The following LRP1B variants were observed in gnomAD, a reference collection of about 807,000 sequenced individuals.
The protein encoded by LRP1B is low-density lipoprotein receptor-related protein 1B.
In LRP1B, 217 loss-of-function variants were observed where a neutral mutation model predicts 556.6. The observed-to-expected ratio is 0.39, with a 90% CI of 0.35 to 0.44. LRP1B has a LOEUF of 0.44. Ranked by LOEUF, LRP1B falls within the 20% of genes least tolerant of loss-of-function variation. The pLI is 1.00. For missense variants in LRP1B, 5,053 were observed against 5,620.8 expected (o/e 0.90, Z 3.23); for synonymous variants, 2,047 against 1,865.8 (o/e 1.10, Z -2.50).
At chr2:140,865,645 A>G (rs1692926064) in intron 27 of LRP1B, among the ~76,000 whole-genome samples, 1 of 152,032 alleles carries the variant, frequency 6.6e-6, no homozygotes, top group South Asian at 2.1e-4. Context: ...CAAAATTGCA[A>G]ACTGACTGAA....
intron 3 of LRP1B, among the ~76,000 whole-genome samples, chr2:141,371,377 G>A (rs1380759761): frequency 2.0e-5 from 3 of 152,056 alleles, no homozygotes; most frequent in Non-Finnish European, 4.4e-5. Context: ...GGTTCCAAAT[G>A]TATTTTAGAA....
chr2:140,565,252 GA>G (rs1407116489), intron 43 of LRP1B, among the ~76,000 whole-genome samples: 1 of 84,724 alleles, frequency 1.2e-5, no homozygotes, highest in Non-Finnish European at 2.8e-5. Flanking sequence ...AAGATATGAT[GA>G]ATATATGTCA....
chr2:140,929,313 G>A (rs942377494), intron 20 of LRP1B, among the ~76,000 whole-genome samples: 1 of 152,058 alleles, frequency 6.6e-6, no homozygotes, highest in African/African-American at 2.4e-5. Context: ...CTGGACTTGG[G>A]GATTTCATAC....
chr2:141,834,754 T>G (rs1401000221), intron 1 of LRP1B, among the ~76,000 whole-genome samples: 1 of 151,778 alleles, frequency 6.6e-6, no homozygotes, highest in Non-Finnish European at 1.5e-5. Context: ...GGAAAGGAAA[T>G]AACTGGAAAA....
intron 49 of LRP1B, among the ~76,000 whole-genome samples, chr2:140,522,813 G>T (rs755056745): frequency 2.0e-5 from 3 of 151,858 alleles, no homozygotes; most frequent in Non-Finnish European, 4.4e-5. Context: ...TAAATTTCTG[G>T]AAAGGCACAA....
At chr2:140,466,130 T>C (rs1687539537) in intron 60 of LRP1B, among the ~76,000 whole-genome samples, 1 of 151,028 alleles carries the variant, frequency 6.6e-6, no homozygotes, top group Admixed American at 6.6e-5. Flanking sequence ...TTTTCTTTTT[T>C]TTTTTTTTTT....
chr2:140,482,085 T>C (rs1415287642), intron 59 of LRP1B, among the ~76,000 whole-genome samples: 1 of 152,186 alleles, frequency 6.6e-6, no homozygotes. Flanking sequence ...TATTGAATTG[T>C]GATTATTTAA....
chr2:140,462,196 C>A (rs1378111590), intron 60 of LRP1B, among the ~76,000 whole-genome samples: 2 of 152,114 alleles, frequency 1.3e-5, no homozygotes, highest in African/African-American at 4.8e-5. Context: ...TAAAAGAATT[C>A]TTGCTGCCAT....
At chr2:140,510,145 G>A (rs2104918362) in intron 51 of LRP1B, 89 bp from the exon 52 acceptor site, 1 of 1,408,860 alleles carries the variant, frequency 7.1e-7, no homozygotes, top group East Asian at 2.3e-5. Context: ...AAGGGGGGAA[G>A]CAGAAGAATG....
chr2:140,835,703 A>G (rs1573782829), intron 31 of LRP1B, among the ~76,000 whole-genome samples: 1 of 151,830 alleles, frequency 6.6e-6, no homozygotes, highest in Non-Finnish European at 1.5e-5. Context: ...ACGTCTGGCT[A>G]ATGTTTTGTA....
chr2:140,828,826 G>C (rs1335964102), intron 31 of LRP1B, among the ~76,000 whole-genome samples: 1 of 147,648 alleles, frequency 6.8e-6, no homozygotes, highest in Non-Finnish European at 1.5e-5. Context: ...ACACAAAGCA[G>C]CTGAATAATT....
chr2:141,544,385 C>CTTCTTT (rs1685466619), intron 2 of LRP1B, among the ~76,000 whole-genome samples: 1 of 72,840 alleles, frequency 1.4e-5, no homozygotes, highest in Admixed American at 1.7e-4. Context: ...TCTTCTTCTC[C>CTTCTTT]TCCTCCTCCT....
intron 5 of LRP1B, among the ~76,000 whole-genome samples, chr2:141,242,283 C>T (rs563396008): frequency 6.5e-4 from 99 of 152,126 alleles, no homozygotes; most frequent in Admixed American, 1.4e-3. Context: ...GTAAATTCTC[C>T]GCCTCCCAAA....
At chr2:140,966,202 C>T (rs1696216428) in intron 18 of LRP1B, among the ~76,000 whole-genome samples, 2 of 152,186 alleles carry the variant, frequency 1.3e-5, no homozygotes, top group African/African-American at 4.8e-5. Flanking sequence ...TTCTCCACAT[C>T]CTCTCCAGCA....
At chr2:141,224,098 C>G (rs578189537) in intron 6 of LRP1B, among the ~76,000 whole-genome samples, 67 of 152,042 alleles carry the variant, frequency 4.4e-4, no homozygotes, top group African/African-American at 1.6e-3. Flanking sequence ...AAACAGACAT[C>G]CTACAGAATG....
chr2:141,019,833 G>T, intron 12 of LRP1B, 89 bp downstream of exon 12: 1 of 981,820 alleles, frequency 1.0e-6, no homozygotes, highest in Non-Finnish European at 1.4e-6. Flanking sequence ...CTATACATAT[G>T]GATTTAAATA....
chr2:141,011,206 A>G (rs565897751), intron 14 of LRP1B, among the ~76,000 whole-genome samples: 3,441 of 57,220 alleles, frequency 0.06, 69 homozygotes, highest in South Asian at 0.11. Context: ...TCCATAGGGA[A>G]AAAAAAAAAC....
chr2:141,458,020 CA>C (rs991873015), intron 3 of LRP1B, among the ~76,000 whole-genome samples: 3 of 152,052 alleles, frequency 2.0e-5, no homozygotes, highest in African/African-American at 7.2e-5. Context: ...ATTGTAAATA[CA>C]AAATAAAAGT....
chr2:140,497,806 A>T (rs114161346), intron 55 of LRP1B, among the ~76,000 whole-genome samples: 6,096 of 152,068 alleles, frequency 0.04, 171 homozygotes, highest in Non-Finnish European at 0.047. Context: ...TATATGAAAT[A>T]GATGGCTTGG....
Sources: allele counts gnomAD v4.1 joint callset (sites outside exome capture counted in the v4.1 genomes callset), GRCh38; gene constraint gnomAD v4.1.1; transcripts MANE v1.5; gene names NCBI Gene and HGNC (gene_info 2026-07-23, HGNC 2026-07-21).